LRRTM4: variants seen among roughly 807,000 people sequenced by gnomAD.
The protein encoded by LRRTM4 is leucine rich repeat transmembrane neuronal 4, also known as leucine-rich repeat transmembrane neuronal protein 4.
Under a neutral mutation model 47.6 loss-of-function variants are expected in LRRTM4, and 25 were observed. The observed-to-expected ratio is 0.53, with a 90% CI of 0.38 to 0.73. The LOEUF is 0.73. LRRTM4 is among the 30% of genes least tolerant of loss of function. The pLI, the probability that LRRTM4 is intolerant of heterozygous loss-of-function variation, is 0.00. For missense variants in LRRTM4, 638 were observed against 713.4 expected (o/e 0.89, Z 1.20); for synonymous variants, 311 against 269.5 (o/e 1.15, Z -1.51).
chr2:77,437,648 G>C (rs1435967509), intron 3 of LRRTM4, among the ~76,000 whole-genome samples: 3 of 152,022 alleles, frequency 2.0e-5, no homozygotes, highest in African/African-American at 7.2e-5. Flanking sequence ...GACATAAAAA[G>C]TACAGTACAA....
chr2:76,809,574 T>C (rs1372180459), intron 3 of LRRTM4, among the ~76,000 whole-genome samples: 1 of 152,184 alleles, frequency 6.6e-6, no homozygotes, highest in Non-Finnish European at 1.5e-5. Flanking sequence ...AATTCTTGTC[T>C]TGTCTATGAG....
chr2:77,430,721 CAA>C (rs59430158), intron 3 of LRRTM4, among the ~76,000 whole-genome samples: 7 of 122,294 alleles, frequency 5.7e-5, no homozygotes, highest in Admixed American at 2.5e-4. Context: ...AACTCTGTCT[CAA>C]AAAAAAAAAA....
intron 3 of LRRTM4, chr2:77,516,661 G>T (rs1679217462): frequency 5.1e-6 from 5 of 980,104 alleles, no homozygotes; most frequent in African/African-American, 3.5e-5. Flanking sequence ...AGCCTTGTTA[G>T]ACTTTTATAG....
At chr2:77,029,295 C>A (rs1348655058) in intron 3 of LRRTM4, among the ~76,000 whole-genome samples, 1 of 151,778 alleles carries the variant, frequency 6.6e-6, no homozygotes, top group African/African-American at 2.4e-5. Flanking sequence ...CACAATAGGC[C>A]GTCTGCAAGC....
At chr2:76,906,543 C>A (rs984674931) in intron 3 of LRRTM4, among the ~76,000 whole-genome samples, 3 of 152,100 alleles carry the variant, frequency 2.0e-5, no homozygotes, top group Non-Finnish European at 4.4e-5. Context: ...TCAAAAGACA[C>A]AGACTGGCAA....
chr2:77,149,755 C>T (rs927683332), intron 3 of LRRTM4, among the ~76,000 whole-genome samples: 4 of 152,114 alleles, frequency 2.6e-5, no homozygotes, highest in African/African-American at 9.7e-5. Context: ...TTAGGGGCTG[C>T]GTGCCTCACT....
At chr2:77,129,007 T>C (rs988160405) in intron 3 of LRRTM4, among the ~76,000 whole-genome samples, 27 of 152,348 alleles carry the variant, frequency 1.8e-4, no homozygotes, top group African/African-American at 6.3e-4. Context: ...ATTCATGTCA[T>C]GTTTTATTTT....
chr2:76,816,929 C>A (rs1217031597), intron 3 of LRRTM4, among the ~76,000 whole-genome samples: 2 of 142,752 alleles, frequency 1.4e-5, no homozygotes, highest in Non-Finnish European at 3.0e-5. Flanking sequence ...TTCATGTTTG[C>A]GGGAAGTGTA....
intron 3 of LRRTM4, among the ~76,000 whole-genome samples, chr2:76,789,500 G>C (rs891202286): frequency 7.2e-5 from 11 of 152,162 alleles, no homozygotes; most frequent in African/African-American, 2.2e-4. Context: ...CATGAATTAA[G>C]AGGAAAATTC....
chr2:77,198,875 G>A (rs1427372039), intron 3 of LRRTM4, among the ~76,000 whole-genome samples: 2 of 152,074 alleles, frequency 1.3e-5, no homozygotes, highest in Non-Finnish European at 2.9e-5. Flanking sequence ...TCATCATGTT[G>A]CCTGCATATA....
rs895484711 is a variant in LRRTM4 at position 76,798,398 on chromosome 2, C to T, written c.1552-49482G>A. 9.9e-4 allele frequency among the ~76,000 whole-genome samples: 150 copies of T among 151,650 alleles called. 1 individual carries two copies. The highest frequency in any genetic ancestry group is 4.5e-3 in the Admixed American group (69 of 15,204). On this transcript the variant is annotated intron_variant, in intron 3 of 3. Transcript: ENST00000409884. The stretch of plus-strand genomic sequence containing the variant: ...GCACAAATAAGGATGTTCTTTGAAA[C>T]CAACGAGAACAAAGACACAACATAC...
chr2:77,521,948 A>C, intron 1 of LRRTM4, 130 bp from the exon 2 acceptor site: 2 of 558,140 alleles, frequency 3.6e-6, no homozygotes, highest in Admixed American at 3.4e-5. Context: ...CGTTGGGGGG[A>C]TAGGGATGGG....
At chr2:76,964,610 G>C (rs1398061988) in intron 3 of LRRTM4, among the ~76,000 whole-genome samples, 1 of 150,638 alleles carries the variant, frequency 6.6e-6, no homozygotes, top group African/African-American at 2.4e-5. Context: ...TTTTAGAATT[G>C]AGTAGTGCAT....
At chr2:76,783,441 G>T (rs772137363) in intron 3 of LRRTM4, among the ~76,000 whole-genome samples, 2 of 152,174 alleles carry the variant, frequency 1.3e-5, no homozygotes, top group Admixed American at 1.3e-4. Flanking sequence ...GTTTTGTGGT[G>T]TGAAATACAT....
chr2:77,304,791 T>C (rs1225140981), intron 3 of LRRTM4, among the ~76,000 whole-genome samples: 1 of 152,134 alleles, frequency 6.6e-6, no homozygotes, highest in Non-Finnish European at 1.5e-5. Flanking sequence ...TTATGTCCAT[T>C]TTACATATAA....
rs1558630319 is a variant in LRRTM4 at position 77,199,449 on chromosome 2, A to G, written c.1551+318869T>C. Among the ~76,000 whole-genome samples, 4 of 152,084 alleles carry G rather than the reference A, an allele frequency of 2.6e-5. No individual in the cohort carries two copies. The South Asian group carries it at 8.3e-4, about 32-fold the overall frequency. ...TTTGCTATAATGCCCTCTTATTGGT[A>G]GATTCTATCTTCCCTTAAAGGTTCT... On this transcript the variant is annotated intron_variant, in intron 3 of 3. Coordinates refer to ENST00000409884, the MANE Select transcript of LRRTM4 (RefSeq NM_001134745.3).
At chr2:77,010,516 ACAC>A (rs1677833168) in intron 3 of LRRTM4, among the ~76,000 whole-genome samples, 1 of 91,068 alleles carries the variant, frequency 1.1e-5, no homozygotes, top group Non-Finnish European at 2.6e-5. Flanking sequence ...ACACACACAC[ACAC>A]ACACACACAC....
At chr2:77,136,375 G>T (rs1189345333) in intron 3 of LRRTM4, among the ~76,000 whole-genome samples, 1 of 152,190 alleles carries the variant, frequency 6.6e-6, no homozygotes, top group Admixed American at 6.5e-5. Context: ...AGGGTCTGGA[G>T]TGGACCTCCA....
At chr2:76,974,225 T>C (rs1289010733) in intron 3 of LRRTM4, among the ~76,000 whole-genome samples, 1 of 99,068 alleles carries the variant, frequency 1.0e-5, no homozygotes, top group Non-Finnish European at 2.1e-5. Flanking sequence ...TATATATACA[T>C]ACATATATAT....
Sources: allele counts gnomAD v4.1 joint callset (sites outside exome capture counted in the v4.1 genomes callset), GRCh38; gene constraint gnomAD v4.1.1; transcripts MANE v1.5; gene names NCBI Gene and HGNC (gene_info 2026-07-23, HGNC 2026-07-21).